Variants in COX7B2 observed in about 807,000 individuals in gnomAD.
The protein encoded by COX7B2 is cytochrome c oxidase subunit 7B2.
For missense variants in COX7B2, 109 were observed against 95.9 expected, an observed-to-expected ratio of 1.14 and a Z score of -0.57; for synonymous variants, 37 against 32.1, an observed-to-expected ratio of 1.15 and a Z score of -0.51.
At chr4:46,802,588 T>C (rs1480747094) in intron 2 of COX7B2, among the ~76,000 whole-genome samples, 2 of 152,230 alleles carry the variant, frequency 1.3e-5, no homozygotes, top group Non-Finnish European at 1.5e-5. Flanking sequence ...TTTCATATGT[T>C]ATTCAAGCAA....
chr4:46,902,069 T>G (rs970227249), intron 1 of COX7B2, among the ~76,000 whole-genome samples: 2 of 152,200 alleles, frequency 1.3e-5, no homozygotes, highest in Non-Finnish European at 2.9e-5. Flanking sequence ...TTAGCTTTGT[T>G]TCTCTGGAGA....
intron 2 of COX7B2, among the ~76,000 whole-genome samples, chr4:46,814,432 A>T (rs1404675202): frequency 6.6e-6 from 1 of 152,204 alleles, no homozygotes; most frequent in Non-Finnish European, 1.5e-5. Context: ...TCCTTTTTAG[A>T]TGTGTTCATT....
At position 46,833,657 on chromosome 4, in the gene COX7B2, T is replaced by C. The variant is rs77775360; in HGVS notation, c.-50+11303A>G. Reference sequence around the variant, plus strand: ...GAATAGAGAGAAACATTGATGGGAATTGATGACTATGAGACCATTATGTCA... The same window carrying C: ...GAATAGAGAGAAACATTGATGGGAACTGATGACTATGAGACCATTATGTCA... On this transcript the variant is annotated intron_variant, in intron 2 of 2. Coordinates refer to ENST00000355591, the MANE Select transcript of COX7B2 (RefSeq NM_130902.3). Among the ~76,000 whole-genome samples, 674 of 152,262 alleles carry C rather than the reference T, an allele frequency of 4.4e-3. 6 individuals are homozygous for C. The highest frequency in any genetic ancestry group is 0.016 in the African/African-American group (653 of 41,564).
intron 1 of COX7B2, among the ~76,000 whole-genome samples, chr4:46,908,281 C>T (rs777067152): frequency 2.0e-5 from 3 of 152,140 alleles, no homozygotes; most frequent in Non-Finnish European, 4.4e-5. Context: ...TAATCATACC[C>T]TTCTCTCAGT....
chr4:46,776,573 G>C (rs1443556924), intron 2 of COX7B2, among the ~76,000 whole-genome samples: 1 of 152,126 alleles, frequency 6.6e-6, no homozygotes, highest in Admixed American at 6.5e-5. Flanking sequence ...GGAATTCAGA[G>C]AAGGGGAGAA....
chr4:46,882,955 T>C (rs745603803), intron 1 of COX7B2, among the ~76,000 whole-genome samples: 9 of 152,216 alleles, frequency 5.9e-5, no homozygotes, highest in Non-Finnish European at 1.3e-4. Context: ...AGAGACTTAA[T>C]TTCACACATA....
intron 2 of COX7B2, among the ~76,000 whole-genome samples, chr4:46,803,896 G>A (rs377034416): frequency 1.3e-5 from 2 of 152,024 alleles, no homozygotes; most frequent in East Asian, 3.8e-4. Flanking sequence ...TGCTACTTTC[G>A]AGGTCTCTTA....
At chr4:46,766,090 G>A (rs906933760) in intron 2 of COX7B2, among the ~76,000 whole-genome samples, 1 of 152,134 alleles carries the variant, frequency 6.6e-6, no homozygotes, top group African/African-American at 2.4e-5. Context: ...CAACACAAAG[G>A]ATGACAGAGT....
chr4:46,830,091 C>A (rs1410090051), intron 2 of COX7B2, among the ~76,000 whole-genome samples: 2 of 151,888 alleles, frequency 1.3e-5, no homozygotes, highest in African/African-American at 4.8e-5. Flanking sequence ...TTTGGGAGGC[C>A]AAGGCGTGCA....
intron 2 of COX7B2, among the ~76,000 whole-genome samples, chr4:46,756,619 T>C (rs922429680): frequency 1.3e-5 from 2 of 151,682 alleles, no homozygotes; most frequent in African/African-American, 2.4e-5. Flanking sequence ...GAAAAAGAAA[T>C]AGCCCTATTA....
At chr4:46,781,578 G>A (rs555503413) in intron 2 of COX7B2, among the ~76,000 whole-genome samples, 18 of 152,310 alleles carry the variant, frequency 1.2e-4, no homozygotes, top group African/African-American at 3.6e-4. Context: ...CTCTGGCCAC[G>A]CTTGAGGAGC....
At chr4:46,779,756 TA>T (rs1204494652) in intron 2 of COX7B2, among the ~76,000 whole-genome samples, 14 of 145,928 alleles carry the variant, frequency 9.6e-5, no homozygotes, top group Non-Finnish European at 1.5e-4. Flanking sequence ...CTAAACCAAA[TA>T]AAAAAATTAA....
intron 2 of COX7B2, among the ~76,000 whole-genome samples, chr4:46,793,361 G>A (rs2109592604): frequency 6.6e-6 from 1 of 152,242 alleles, no homozygotes; most frequent in South Asian, 2.1e-4. Flanking sequence ...TCTGGCTGGA[G>A]ATGTTATTTA....
intron 2 of COX7B2, among the ~76,000 whole-genome samples, chr4:46,815,196 A>C (rs1275162411): frequency 3.9e-5 from 6 of 152,150 alleles, no homozygotes; most frequent in African/African-American, 1.2e-4. Flanking sequence ...AAAAAGAAAA[A>C]GAAAATGTCA....
chr4:46,846,175 C>T (rs2109767141), intron 1 of COX7B2, among the ~76,000 whole-genome samples: 1 of 152,182 alleles, frequency 6.6e-6, no homozygotes, highest in South Asian at 2.1e-4. Context: ...GAGAACAAGA[C>T]TAACTGCGTT....
chr4:46,791,174 AT>A lies in COX7B2; in HGVS notation c.-50+53785del, dbSNP rs34287708. ...CCACCACATCTGGCTAATTTTTTGTATTTTTTTTTTTTTTTTAGTAGAGAGG... is the reference window on the plus strand; with the variant it reads ...CCACCACATCTGGCTAATTTTTTGTATTTTTTTTTTTTTTTAGTAGAGAGG... On this transcript the variant is annotated intron_variant, in intron 2 of 2. Transcript: ENST00000355591. Among the ~76,000 whole-genome samples, 1,223 of 132,358 alleles carry A rather than the reference AT, an allele frequency of 9.2e-3. 3 individuals are homozygous for A. The highest frequency in any genetic ancestry group is 0.026 in the South Asian group (105 of 4,116). The allele number at this position is 132,358 out of a possible 152,430, so 86.8% of individuals were successfully genotyped here. A position where few individuals can be genotyped will look rare whatever the true frequency, so the allele number is the denominator to read the frequency against.
chr4:46,824,016 T>C (rs1714497640), intron 2 of COX7B2, among the ~76,000 whole-genome samples: 2 of 152,004 alleles, frequency 1.3e-5, no homozygotes, highest in Admixed American at 6.6e-5. Flanking sequence ...ATTTACCACA[T>C]CCTTAAAAAT....
chr4:46,793,028 C>T (rs138981627), intron 2 of COX7B2, among the ~76,000 whole-genome samples: 1,681 of 152,292 alleles, frequency 0.011, 20 homozygotes, highest in Middle Eastern at 0.041. Flanking sequence ...ACACAAAACA[C>T]GGCTTGGCAG....
intron 2 of COX7B2, among the ~76,000 whole-genome samples, chr4:46,842,655 G>A (rs1716011905): frequency 6.6e-6 from 1 of 151,682 alleles, no homozygotes; most frequent in Non-Finnish European, 1.5e-5. Context: ...TGCGGTGTTT[G>A]GTTTTTTGTC....
Sources: allele counts gnomAD v4.1 joint callset (sites outside exome capture counted in the v4.1 genomes callset), GRCh38; gene constraint gnomAD v4.1.1; transcripts MANE v1.5; gene names NCBI Gene and HGNC (gene_info 2026-07-23, HGNC 2026-07-21).